The following TOGARAM1 variants were observed in gnomAD, a reference collection of about 807,000 sequenced individuals.
TOGARAM1 encodes the protein TOG array regulator of axonemal microtubules protein 1.
A neutral mutation model predicts 166.6 loss-of-function variants in TOGARAM1; 100 were observed. The ratio of observed to expected loss-of-function variants is 0.60; its 90% CI spans 0.51 to 0.71. The LOEUF is 0.71. Among genes scored for constraint, TOGARAM1 ranks in the 30% least tolerant of loss-of-function variants. The pLI is 0.00. For missense variants in TOGARAM1, 2,029 were observed against 2,102.7 expected (o/e 0.96, Z 0.69); for synonymous variants, 758 against 763.8 (o/e 0.99, Z 0.13).
intron 4 of TOGARAM1, 68 bp downstream of exon 4, chr14:45,004,434 C>G: frequency 1.6e-6 from 2 of 1,262,932 alleles, no homozygotes; most frequent in Non-Finnish European, 2.2e-6. Context: ...ATGCATAGGG[C>G]TGTTAGATCT....
chr14:45,063,932 C>T (rs1883023555), intron 16 of TOGARAM1, among the ~76,000 whole-genome samples: 1 of 152,170 alleles, frequency 6.6e-6, no homozygotes, highest in Non-Finnish European at 1.5e-5. Context: ...TATGTTATCA[C>T]CCTTGATATC....
rs867104582 is a variant in TOGARAM1 at position 44,962,368 on chromosome 14, G to A, written c.-54G>A. 1.0e-5 allele frequency: 15 copies of A among 1,496,886 alleles called. No homozygotes were observed. The Middle Eastern group carries it at 1.6e-3, about 165-fold the overall frequency. The allele number at this position is 1,496,886 out of a possible 1,614,324, so 92.7% of individuals were successfully genotyped here. ...GATCTGGAAGTCTGGGCTCCATCGA[G>A]CCCTTTGGAGACGGCAATGGTTTCT... is the stretch of plus-strand genomic sequence containing the variant. On this transcript the variant is annotated 5_prime_UTR_variant, in exon 1 of 20. Coordinates refer to ENST00000361462, the MANE Select transcript of TOGARAM1 (RefSeq NM_001308120.2).
At chr14:45,035,947 A>AG (rs1336537585) in intron 11 of TOGARAM1, among the ~76,000 whole-genome samples, 5 of 137,058 alleles carry the variant, frequency 3.6e-5, no homozygotes, top group Admixed American at 2.8e-4. Flanking sequence ...CCTCATCTCT[A>AG]GAAAAAAAAA....
intron 5 of TOGARAM1, chr14:45,007,912 T>C (rs1879558373): frequency 6.6e-6 from 1 of 152,202 alleles, no homozygotes; most frequent in Admixed American, 6.5e-5. Context: ...TTATGTGTCT[T>C]GCTCAGGGTC....
intron 6 of TOGARAM1, among the ~76,000 whole-genome samples, chr14:45,009,414 G>T (rs192483777): frequency 5.9e-5 from 9 of 152,198 alleles, no homozygotes; most frequent in Non-Finnish European, 1.2e-4. Context: ...TGTTCTTTTT[G>T]TCTAGGATTT....
At position 44,963,146 on chromosome 14, in the gene TOGARAM1, TTAC is replaced by T; in HGVS notation, c.730_732del (p.Thr244del). 6.2e-7 allele frequency: 1 copy of T among 1,614,208 alleles called. No individual in the cohort carries two copies. ...ACAGCACTACTGCTTCCCATCTTGC[TTAC>T]TACTGAGGACTTGTTGCTTGGTCTG... is the stretch of plus-strand genomic sequence containing the variant. On this transcript the variant is annotated inframe_deletion, in exon 1 of 20. Transcript: ENST00000361462.
intron 15 of TOGARAM1, among the ~76,000 whole-genome samples, chr14:45,052,819 A>G (rs1882440447): frequency 6.6e-6 from 1 of 152,198 alleles, no homozygotes; most frequent in Admixed American, 6.5e-5. Context: ...AGTTAACAAG[A>G]CATGGGTTTG....
intron 1 of TOGARAM1, among the ~76,000 whole-genome samples, chr14:44,969,865 G>A (rs1049005401): frequency 6.6e-6 from 1 of 152,122 alleles, no homozygotes; most frequent in Non-Finnish European, 1.5e-5. Context: ...ATTCATGTGG[G>A]TCTTTTTCTG....
At chr14:44,992,439 C>T (rs1178650509) in intron 1 of TOGARAM1, among the ~76,000 whole-genome samples, 2 of 151,800 alleles carry the variant, frequency 1.3e-5, no homozygotes, top group Admixed American at 1.3e-4. Flanking sequence ...TCAGTAAAGC[C>T]AGGAGTATAG....
intron 16 of TOGARAM1, among the ~76,000 whole-genome samples, chr14:45,060,472 T>C (rs534002703): frequency 6.6e-6 from 1 of 152,240 alleles, no homozygotes; most frequent in African/African-American, 2.4e-5. Flanking sequence ...CATCTTGGCC[T>C]CCAGAGGTGC....
At chr14:45,029,121 G>A (rs895285718) in intron 10 of TOGARAM1, among the ~76,000 whole-genome samples, 8 of 152,162 alleles carry the variant, frequency 5.3e-5, no homozygotes, top group Non-Finnish European at 4.4e-5. Flanking sequence ...GCTAATCACT[G>A]TTGAGAGTAT....
intron 1 of TOGARAM1, among the ~76,000 whole-genome samples, chr14:44,977,446 T>C (rs541499024): frequency 3.4e-4 from 51 of 150,964 alleles, no homozygotes; most frequent in African/African-American, 9.5e-4. Flanking sequence ...CCGTGTTAGC[T>C]GGGATGGTCT....
intron 19 of TOGARAM1, among the ~76,000 whole-genome samples, chr14:45,072,846 T>A (rs1246500567): frequency 2.0e-5 from 3 of 151,900 alleles, no homozygotes; most frequent in African/African-American, 4.8e-5. Flanking sequence ...CAAAGGGCCA[T>A]AAAAGGAGAA....
At chr14:44,988,031 C>T (rs1482728796) in intron 1 of TOGARAM1, among the ~76,000 whole-genome samples, 2 of 150,162 alleles carry the variant, frequency 1.3e-5, no homozygotes, top group Non-Finnish European at 2.9e-5. Flanking sequence ...CACATGTTCT[C>T]ACTCATAGGC....
At position 44,963,210 on chromosome 14, in the gene TOGARAM1, G is replaced by A. The variant is rs1322651165; in HGVS notation, c.789G>A (p.Lys263=). 2 of 1,614,082 alleles carry A rather than the reference G, an allele frequency of 1.2e-6. No individual in the cohort carries two copies. Among genetic ancestry groups the A allele is most frequent in the East Asian group, 2.2e-5 (1 of 44,894 alleles). ...AGGTGATAATATCCCTAGCCCGAAA[G>A]CTTGGTGATCAGGAGACAGAAGAAG... ...LTEVIISLAR[K]LGDQETEEES... The change falls in exon 1 of 20, where the codon AAG becomes AAA. Residue 263 remains lysine (K), a synonymous_variant. Coordinates refer to ENST00000361462, the MANE Select transcript of TOGARAM1 (RefSeq NM_001308120.2).
chr14:45,073,131 A>G (rs370676300), intron 19 of TOGARAM1, among the ~76,000 whole-genome samples, 165 bp from the exon 20 acceptor site: 2 of 152,230 alleles, frequency 1.3e-5, no homozygotes, highest in South Asian at 2.1e-4. Context: ...GAAGATCCCA[A>G]TCTTTGAGAG....
At chr14:45,000,240 C>T (rs1196311333) in intron 3 of TOGARAM1, among the ~76,000 whole-genome samples, 6 of 152,126 alleles carry the variant, frequency 3.9e-5, no homozygotes, top group Admixed American at 1.3e-4. Flanking sequence ...CTCAGGTGAT[C>T]CACCTGCCTC....
chr14:44,986,041 T>C (rs1594623135), intron 1 of TOGARAM1, among the ~76,000 whole-genome samples: 2 of 152,214 alleles, frequency 1.3e-5, no homozygotes, highest in East Asian at 1.9e-4. Context: ...TAAAACTTAG[T>C]TGAAGACATG....
chr14:44,984,898 G>A (rs1337875481), intron 1 of TOGARAM1, among the ~76,000 whole-genome samples: 1 of 152,116 alleles, frequency 6.6e-6, no homozygotes, highest in African/African-American at 2.4e-5. Context: ...CTATTTCCCT[G>A]TAACTTTTGT....
Sources: allele counts gnomAD v4.1 joint callset (sites outside exome capture counted in the v4.1 genomes callset), GRCh38; gene constraint gnomAD v4.1.1; transcripts MANE v1.5; gene names NCBI Gene and HGNC (gene_info 2026-07-23, HGNC 2026-07-21).